The following BDH1 variants were observed in gnomAD, a reference collection of about 807,000 sequenced individuals.
The protein encoded by BDH1 is 3-hydroxybutyrate dehydrogenase 1.
BDH1 carries 30 observed loss-of-function variants against 33.1 expected under a neutral mutation model. The observed-to-expected ratio is 0.91, with a 90% CI of 0.68 to 1.23. BDH1 has a LOEUF of 1.23. BDH1 is among the 50% of genes most tolerant of loss of function. The pLI, the probability that BDH1 is intolerant of heterozygous loss-of-function variation, is 0.00. For missense variants in BDH1, 443 were observed against 464.4 expected, an observed-to-expected ratio of 0.95 and a Z score of 0.42; for synonymous variants, 190 against 183.6, an observed-to-expected ratio of 1.03 and a Z score of -0.28.
chr3:197,566,916 C>A (rs1281436741), intron 1 of BDH1, among the ~76,000 whole-genome samples: 1 of 152,168 alleles, frequency 6.6e-6, no homozygotes, highest in Non-Finnish European at 1.5e-5. Context: ...CAAACTGAAG[C>A]TAGACAACCT....
At chr3:197,541,241 T>G (rs1715596964) in intron 3 of BDH1, among the ~76,000 whole-genome samples, 1 of 152,160 alleles carries the variant, frequency 6.6e-6, no homozygotes, top group African/African-American at 2.4e-5. Context: ...ACATTCTGAT[T>G]CAGTAGGAAG....
chr3:197,560,591 C>G (rs200154714), upstream of BDH1, among the ~76,000 whole-genome samples: 1 of 152,220 alleles, frequency 6.6e-6, no homozygotes, highest in East Asian at 1.9e-4. Context: ...CACGGCAAAA[C>G]TGCTGGTGAG....
At chr3:197,539,432 G>C (rs1199120667) in intron 3 of BDH1, among the ~76,000 whole-genome samples, 1 of 152,176 alleles carries the variant, frequency 6.6e-6, no homozygotes, top group Admixed American at 6.5e-5. Context: ...GAGCCACCAC[G>C]CCCAGACTAT....
At chr3:197,536,965 G>A (rs1278063383) in intron 3 of BDH1, among the ~76,000 whole-genome samples, 1 of 152,060 alleles carries the variant, frequency 6.6e-6, no homozygotes, top group East Asian at 1.9e-4. Flanking sequence ...AAATGGTATT[G>A]TTTTGTTTTG....
chr3:197,567,544 T>C (rs1217152581), intron 1 of BDH1, among the ~76,000 whole-genome samples: 1 of 152,200 alleles, frequency 6.6e-6, no homozygotes, highest in Non-Finnish European at 1.5e-5. Context: ...TCATTTTACA[T>C]ATGTTGATTG....
intron 2 of BDH1, among the ~76,000 whole-genome samples, chr3:197,553,214 G>A (rs905359072): frequency 4.0e-5 from 6 of 150,698 alleles, no homozygotes; most frequent in African/African-American, 9.7e-5. Context: ...CACCACGCCT[G>A]GCTGGTACAT....
At chr3:197,532,024 A>C (rs527972891) in intron 5 of BDH1, among the ~76,000 whole-genome samples, 1 of 152,048 alleles carries the variant, frequency 6.6e-6, no homozygotes, top group African/African-American at 2.4e-5. Context: ...CCTCCTACAC[A>C]GTCTCGCCGA....
chr3:197,534,371 C>A (rs1040233862), intron 3 of BDH1, among the ~76,000 whole-genome samples: 12 of 152,200 alleles, frequency 7.9e-5, no homozygotes, highest in African/African-American at 2.2e-4. Flanking sequence ...CAACATAATT[C>A]TCTGGAGATT....
intron 3 of BDH1, among the ~76,000 whole-genome samples, chr3:197,545,256 C>T (rs1715975611): frequency 2.0e-5 from 3 of 152,164 alleles, no homozygotes; most frequent in Admixed American, 2.0e-4. Flanking sequence ...AAAGGCAATT[C>T]CAGAAGCTCT....
In BDH1 at chr3:197,567,054, T is replaced by C. The variant is rs188128001; in HGVS notation, c.-44+6127A>G. Reference sequence around the variant, plus strand: ...AGGATTGTTCTTTTGTTTGTTGTTGTTTTTCTACCTTCTTCCCCCTGTTTT... The same window carrying C: ...AGGATTGTTCTTTTGTTTGTTGTTGCTTTTCTACCTTCTTCCCCCTGTTTT... On this transcript the variant is annotated intron_variant, in intron 1 of 6. Transcript: ENST00000358186. Among the ~76,000 whole-genome samples the C allele has an allele frequency of 1.2e-3, 178 of 152,294 alleles. 4 individuals are homozygous for C. The highest frequency in any genetic ancestry group is 2.9e-3 in the Admixed American group (44 of 15,286).
At chr3:197,515,215 C>T (rs1712568895) in intron 6 of BDH1, 4 of 905,786 alleles carry the variant, frequency 4.4e-6, no homozygotes, top group Non-Finnish European at 5.3e-6. Context: ...ATTCACTGCC[C>T]TCTGGTGCCT....
intron 5 of BDH1, among the ~76,000 whole-genome samples, chr3:197,527,009 T>C (rs1251902359): frequency 1.3e-5 from 2 of 152,238 alleles, no homozygotes; most frequent in East Asian, 1.9e-4. Flanking sequence ...ACCTCTTCTA[T>C]TTCCATTTCT....
intron 3 of BDH1, among the ~76,000 whole-genome samples, chr3:197,539,640 C>A (rs954260146): frequency 6.6e-6 from 1 of 152,244 alleles, no homozygotes; most frequent in African/African-American, 2.4e-5. Flanking sequence ...GCTTGGGATA[C>A]TTTGCAGACC....
chr3:197,537,524 T>G (rs1715259507), intron 3 of BDH1, among the ~76,000 whole-genome samples: 1 of 152,218 alleles, frequency 6.6e-6, no homozygotes, highest in South Asian at 2.1e-4. Context: ...ATTTCTTACC[T>G]TATTGCACTG....
rs529547638 is a variant in BDH1, at chr3:197,571,595, G to A, written c.-44+1586C>T. 1.2e-4 allele frequency among the ~76,000 whole-genome samples: 19 copies of A among 152,258 alleles called. 1 individual carries two copies. Among genetic ancestry groups the A allele is most frequent in the South Asian group, 2.1e-4 (1 of 4,828 alleles). On this transcript the variant is annotated intron_variant, in intron 1 of 6. Coordinates refer to the BDH1 transcript ENST00000358186. ...GGGAAACCCCTTTCACTTGGCTTTC[G>A]TTCTCTCTCTTGCCTGCCACCATGT...
chr3:197,532,345 T>C, intron 5 of BDH1, 67 bp downstream of exon 5: 1 of 1,453,734 alleles, frequency 6.9e-7, no homozygotes, highest in South Asian at 1.2e-5. Flanking sequence ...GAAAGCACTT[T>C]TTAAAAGACT....
chr3:197,513,012 G>A (rs905041917), intron 7 of BDH1, among the ~76,000 whole-genome samples: 1 of 152,168 alleles, frequency 6.6e-6, no homozygotes, highest in African/African-American at 2.4e-5. Flanking sequence ...CACCCTGGTA[G>A]GGTGGAGCCT....
chr3:197,543,969 C>T (rs1715875205), intron 3 of BDH1, among the ~76,000 whole-genome samples: 1 of 152,060 alleles, frequency 6.6e-6, no homozygotes, highest in African/African-American at 2.4e-5. Context: ...ACACAGGAGG[C>T]CTGCTATGAG....
At chr3:197,533,805 G>A in intron 3 of BDH1, 1 of 504,922 alleles carries the variant, frequency 2.0e-6, no homozygotes, top group Non-Finnish European at 3.5e-6. Context: ...CAATTCTGAA[G>A]CTACTTTTGT....
Sources: gnomAD v4.1 joint callset for allele counts (sites outside exome capture counted in the v4.1 genomes callset) on GRCh38, gnomAD v4.1.1 for gene constraint, MANE v1.5 for transcripts, NCBI Gene and HGNC (gene_info 2026-07-23, HGNC 2026-07-21) for gene names.